CEP112: variants seen among roughly 807,000 people sequenced by gnomAD.
The protein encoded by CEP112 is centrosomal protein 112.
CEP112 carries 127 observed loss-of-function variants against 153.0 expected under a neutral mutation model. The observed-to-expected ratio is 0.83, with a 90% CI of 0.72 to 0.96. The LOEUF (loss-of-function observed/expected upper bound fraction) is 0.96, where lower values mean the gene tolerates loss of function less well. CEP112 is among the 40% of genes least tolerant of loss of function. The pLI is 0.00. For synonymous variants in CEP112, 358 were observed against 374.4 expected (o/e 0.96, Z 0.51); for missense variants, 1,089 against 1,101.2 (o/e 0.99, Z 0.16).
At chr17:65,998,410 A>G (rs1041487419) in intron 17 of CEP112, among the ~76,000 whole-genome samples, 1 of 147,914 alleles carries the variant, frequency 6.8e-6, no homozygotes, top group Non-Finnish European at 1.5e-5. Flanking sequence ...AAAAAAGGAA[A>G]TGTTCTAAAA....
At chr17:66,041,875 C>T (rs1444793804) in intron 12 of CEP112, among the ~76,000 whole-genome samples, 1 of 152,158 alleles carries the variant, frequency 6.6e-6, no homozygotes, top group Non-Finnish European at 1.5e-5. Flanking sequence ...AGATACCCCA[C>T]CCTCAAGAGC....
At chr17:65,778,071 G>A (rs565847468) in intron 21 of CEP112, among the ~76,000 whole-genome samples, 1 of 152,214 alleles carries the variant, frequency 6.6e-6, no homozygotes, top group Non-Finnish European at 1.5e-5. Flanking sequence ...CTGTCCTGCC[G>A]AAGGATCAGT....
intron 17 of CEP112, among the ~76,000 whole-genome samples, chr17:66,002,227 ACAT>A (rs1428396408): frequency 6.6e-6 from 1 of 152,148 alleles, no homozygotes; most frequent in African/African-American, 2.4e-5. Flanking sequence ...AATATCAAGC[ACAT>A]CATCCTCTCA....
At chr17:65,895,757 A>G (rs1479964019) in intron 20 of CEP112, among the ~76,000 whole-genome samples, 1 of 152,062 alleles carries the variant, frequency 6.6e-6, no homozygotes, top group Non-Finnish European at 1.5e-5. Flanking sequence ...TTATCTGTAA[A>G]TGGAATACAG....
In CEP112 at chr17:66,134,831, G is replaced by A. The variant is rs920461632; in HGVS notation, c.471-2068C>T. ...AGTGAGACCCTGTCTAAAAACAAAC[G>A]AACAAACAAAAACCATTTTTCCATG... On this transcript the variant is annotated intron_variant, in intron 4 of 26. Transcript: ENST00000535342. Among the ~76,000 whole-genome samples, 12 of 152,088 alleles carry A rather than the reference G, an allele frequency of 7.9e-5. No homozygotes were observed. The East Asian group carries it at 1.9e-3, about 25-fold the overall frequency.
rs563988157 is a variant in CEP112, at chr17:65,956,370, G to A, written c.1872+5093C>T. ...CCAGCCCAAATGCCCGTAAGTCAAC[G>A]AGTGGATAAAGAAATTATGATATAT... is the stretch of plus-strand genomic sequence containing the variant. On this transcript the variant is annotated intron_variant, in intron 18 of 26. Transcript: ENST00000535342. Among the ~76,000 whole-genome samples, 21 of 149,370 alleles carry A rather than the reference G, an allele frequency of 1.4e-4. No individual in the cohort carries two copies. The South Asian group carries it at 3.6e-3, about 26-fold the overall frequency.
At chr17:65,801,598 G>A (rs1312360821) in intron 21 of CEP112, among the ~76,000 whole-genome samples, 4 of 152,080 alleles carry the variant, frequency 2.6e-5, no homozygotes, top group Non-Finnish European at 5.9e-5. Flanking sequence ...CTCGGTTTGT[G>A]TTTATCTGAG....
At chr17:65,767,292 T>A (rs557649574) in intron 21 of CEP112, among the ~76,000 whole-genome samples, 37 of 151,896 alleles carry the variant, frequency 2.4e-4, no homozygotes, top group Non-Finnish European at 4.6e-4. Context: ...AATCAATGGA[T>A]CAAAGAAGAA....
At chr17:66,149,888 G>GTTTTTTTTTTTT (rs71160535) in intron 4 of CEP112, among the ~76,000 whole-genome samples, 29 of 54,726 alleles carry the variant, frequency 5.3e-4, no homozygotes, top group Non-Finnish European at 7.6e-4. Flanking sequence ...TTGTTTGTTT[G>GTTTTTTTTTTTT]TTTTTTTTTT....
intron 23 of CEP112, 89 bp from the exon 24 acceptor site, chr17:65,689,307 A>T: frequency 1.2e-6 from 1 of 849,412 alleles, no homozygotes; most frequent in Non-Finnish European, 1.9e-6. Context: ...AAAAGGCCTC[A>T]GATCTCTAGT....
At chr17:65,826,114 G>A (rs1170894082) in intron 21 of CEP112, 2 of 1,607,018 alleles carry the variant, frequency 1.2e-6, no homozygotes, top group East Asian at 2.2e-5. Context: ...TATGTCAGGA[G>A]GACAGAGGTT....
chr17:66,039,381 T>C (rs912396662), intron 12 of CEP112, among the ~76,000 whole-genome samples: 4 of 152,102 alleles, frequency 2.6e-5, no homozygotes, highest in African/African-American at 7.2e-5. Flanking sequence ...AGTTCTCCTA[T>C]GGCAAACCCC....
chr17:65,743,745 C>T (rs1467733395), intron 22 of CEP112, among the ~76,000 whole-genome samples: 2 of 151,408 alleles, frequency 1.3e-5, no homozygotes, highest in Non-Finnish European at 2.9e-5. Flanking sequence ...ATTATTATTG[C>T]CTTTTATTTT....
At chr17:65,946,636 C>T (rs1439527320) in intron 18 of CEP112, among the ~76,000 whole-genome samples, 1 of 152,208 alleles carries the variant, frequency 6.6e-6, no homozygotes, top group Non-Finnish European at 1.5e-5. Context: ...ATTGCCTTCA[C>T]TTTGCATTTC....
chr17:65,743,233 C>T lies in CEP112; in HGVS notation c.2458-16G>A, dbSNP rs755497778. The T allele has an allele frequency of 5.3e-5, 84 of 1,586,262 alleles. No homozygotes were observed. The highest frequency in any genetic ancestry group is 7.0e-5 in the Non-Finnish European group (82 of 1,170,258). On this transcript the variant is annotated splice_polypyrimidine_tract_variant and intron_variant, in intron 22 of 26. Coordinates refer to ENST00000535342, the MANE Select transcript of CEP112 (RefSeq NM_001199165.4). ...CTGCTATGATCTAAAATGAAAACAG[C>T]ATGCTATAACTTCAAATTCTTCTGG...
rs550194871 is a variant in CEP112 at position 66,186,024 on chromosome 17, TTCTCTCTC to T, written c.-8-2725_-8-2718del. ...CCAAGGTCTCTCATAATCTCTCTCA[TTCTCTCTC>T]TCTCTCTCTCTCTCCCCACCCGCTC... On this transcript the variant is annotated intron_variant, in intron 1 of 26. Coordinates refer to ENST00000535342, the MANE Select transcript of CEP112 (RefSeq NM_001199165.4). Among the ~76,000 whole-genome samples, 454 of 146,154 alleles carry T rather than the reference TTCTCTCTC, an allele frequency of 3.1e-3. 2 individuals carry two copies. Among genetic ancestry groups the T allele is most frequent in the South Asian group, 6.1e-3 (28 of 4,568 alleles).
intron 8 of CEP112, among the ~76,000 whole-genome samples, chr17:66,076,535 A>C (rs2067505815): frequency 6.6e-6 from 1 of 152,060 alleles, no homozygotes; most frequent in African/African-American, 2.4e-5. Flanking sequence ...CCTATCCCCC[A>C]CAGCAGCCAC....
intron 17 of CEP112, among the ~76,000 whole-genome samples, chr17:65,996,266 C>G (rs1336144639): frequency 1.3e-5 from 2 of 151,698 alleles, no homozygotes; most frequent in African/African-American, 4.8e-5. Flanking sequence ...CAGTATTTCA[C>G]TAAAGCCCAA....
chr17:66,188,196 G>A (rs1014467573), intron 1 of CEP112, among the ~76,000 whole-genome samples: 9 of 151,614 alleles, frequency 5.9e-5, no homozygotes, highest in African/African-American at 1.9e-4. Context: ...AAAATCTCTC[G>A]TGACTGCCTA....
Sources: gnomAD v4.1 joint callset for allele counts (sites outside exome capture counted in the v4.1 genomes callset) on GRCh38, gnomAD v4.1.1 for gene constraint, MANE v1.5 for transcripts, NCBI Gene and HGNC (gene_info 2026-07-23, HGNC 2026-07-21) for gene names.